Variants in NLRP8 observed in about 807,000 individuals in gnomAD.
The protein encoded by NLRP8 is NLR family pyrin domain containing 8.
A neutral mutation model predicts 88.7 loss-of-function variants in NLRP8; 86 were observed. That is an observed-to-expected ratio of 0.97 (90% CI 0.81 to 1.16). NLRP8 has a LOEUF of 1.16. Ranked by LOEUF, NLRP8 falls within the 50% of genes most tolerant of loss-of-function variation. NLRP8 has a pLI of 0.00. For missense variants in NLRP8, 1,342 were observed against 1,286.5 expected (o/e 1.04, Z -0.66); for synonymous variants, 504 against 494.6 (o/e 1.02, Z -0.25).
rs1280921279 is a variant in NLRP8 at position 55,952,540 on chromosome 19, A to G, written c.370A>G (p.Ile124Val). ...CAGCCTCCTTTTTTCTGTTACAGCC[A>G]TTCTGCCTACCTTGGAACCAGAGGA... is the stretch of plus-strand genomic sequence containing the variant. Residue 124 changes from isoleucine (I) to valine (V), a missense_variant and splice_region_variant, in exon 2 of 10, where the codon ATT becomes GTT. Transcript: ENST00000291971. 6.2e-7 allele frequency: 1 copy of G among 1,613,688 alleles called. No individual in the cohort carries two copies. The highest frequency in any genetic ancestry group is 8.5e-7 in the Non-Finnish European group (1 of 1,179,684).
chr19:55,968,883 G>A (rs1404460008), intron 5 of NLRP8, among the ~76,000 whole-genome samples: 3 of 152,180 alleles, frequency 2.0e-5, no homozygotes, highest in African/African-American at 7.2e-5. Context: ...GGCTGCCATT[G>A]TCTACCATAC....
chr19:55,954,356 G>A, intron 2 of NLRP8, 145 bp from the exon 3 acceptor site: 1 of 799,334 alleles, frequency 1.3e-6, no homozygotes, highest in Non-Finnish European at 2.0e-6. Flanking sequence ...AGTTGACACA[G>A]CAGTATCAGG....
At chr19:55,952,454 T>C in intron 1 of NLRP8, 84 bp from the exon 2 acceptor site, 6 of 1,120,974 alleles carry the variant, frequency 5.4e-6, no homozygotes, top group Non-Finnish European at 6.8e-6. Flanking sequence ...GCTTCTGTCC[T>C]AAAAAGGCCA....
At chr19:55,950,301 C>T (rs984664837) in intron 1 of NLRP8, among the ~76,000 whole-genome samples, 2 of 150,454 alleles carry the variant, frequency 1.3e-5, no homozygotes, top group African/African-American at 5.0e-5. Flanking sequence ...TGCCTGTAAT[C>T]CCAGCTATTC....
Position 55,987,834 on chromosome 19 carries a change from G to T in NLRP8, c.3068G>T (p.Arg1023Leu), listed in dbSNP as rs773147830. The T allele has an allele frequency of 1.2e-6, 2 of 1,613,836 alleles. No homozygotes were observed. The highest frequency in any genetic ancestry group is 2.2e-5 in the East Asian group (1 of 44,860). Residue 1023 changes from arginine (R) to leucine (L), a missense_variant, in exon 10 of 10, where the codon CGA becomes CTA. Coordinates refer to ENST00000291971, the MANE Select transcript of NLRP8 (RefSeq NM_176811.2). ...TCCAGCTGTATTCCTGCCTGGACTC[G>T]AATAACTAGCTTCTCCCCAACTCCT...
intron 9 of NLRP8, among the ~76,000 whole-genome samples, chr19:55,981,909 GTT>G (rs3055418): frequency 0.37 from 54,842 of 148,858 alleles, 10,566 homozygotes; most frequent in Non-Finnish European, 0.43. Flanking sequence ...CTTGTTTTTT[GTT>G]TTTTTTTTTG....
At chr19:55,982,707 T>A (rs189105459) in intron 9 of NLRP8, among the ~76,000 whole-genome samples, 1 of 152,042 alleles carries the variant, frequency 6.6e-6, no homozygotes, top group African/African-American at 2.4e-5. Context: ...CTGTGGGAGG[T>A]TAAGGTGGAG....
chr19:55,952,413 T>G, intron 1 of NLRP8, 125 bp from the exon 2 acceptor site: 1 of 699,998 alleles, frequency 1.4e-6, no homozygotes, highest in Non-Finnish European at 2.6e-6. Context: ...ACGGAGGTGG[T>G]GAGAGGATGA....
At chr19:55,960,561 G>C (rs60106130) in intron 3 of NLRP8, among the ~76,000 whole-genome samples, 1 of 152,106 alleles carries the variant, frequency 6.6e-6, no homozygotes, top group Non-Finnish European at 1.5e-5. Flanking sequence ...CCTGACATCC[G>C]TAGAAATCTT....
At chr19:55,959,666 A>G (rs1447610462) in intron 3 of NLRP8, among the ~76,000 whole-genome samples, 1 of 152,200 alleles carries the variant, frequency 6.6e-6, no homozygotes, top group Non-Finnish European at 1.5e-5. Flanking sequence ...CAATAACCAG[A>G]TGCAGATGAA....
Position 55,962,211 on chromosome 19 carries a change from C to G in NLRP8, c.2187C>G (p.His729Gln). ...AGGCTCTCGCGGCCGCACTGAGGCA[C>G]CCTCAGTGCAAACTGCAAAAGCTAC... is the stretch of plus-strand genomic sequence containing the variant. Residue 729 changes from histidine (H) to glutamine (Q), a missense_variant, in exon 4 of 10, where the codon CAC becomes CAG. Coordinates refer to ENST00000291971, the MANE Select transcript of NLRP8 (RefSeq NM_176811.2). 2.5e-6 allele frequency: 4 copies of G among 1,613,806 alleles called. No homozygotes were observed. Among genetic ancestry groups the G allele is most frequent in the Non-Finnish European group, 3.4e-6 (4 of 1,179,912 alleles).
chr19:55,973,906 C>A, intron 7 of NLRP8, 84 bp downstream of exon 7: 1 of 1,373,904 alleles, frequency 7.3e-7, no homozygotes, highest in Admixed American at 2.1e-5. Context: ...TCATTTATGT[C>A]ACATATTTAT....
chr19:55,954,311 C>G (rs1467264648), intron 2 of NLRP8, among the ~76,000 whole-genome samples, 190 bp from the exon 3 acceptor site: 6 of 152,164 alleles, frequency 3.9e-5, no homozygotes, highest in African/African-American at 1.4e-4. Flanking sequence ...GTTTAAGCCA[C>G]TTCAAGCTGA....
intron 9 of NLRP8, among the ~76,000 whole-genome samples, chr19:55,984,566 A>G (rs1165769281): frequency 6.7e-6 from 1 of 150,144 alleles, no homozygotes; most frequent in African/African-American, 2.5e-5. Flanking sequence ...AGGCAGGAGA[A>G]TCCCTTAAAC....
chr19:55,980,318 A>G (rs1980518969), intron 9 of NLRP8, among the ~76,000 whole-genome samples: 1 of 152,190 alleles, frequency 6.6e-6, no homozygotes, highest in Admixed American at 6.5e-5. Context: ...CATGTTCTCA[A>G]CCAGTGGTGG....
intron 8 of NLRP8, 64 bp from the exon 9 acceptor site, chr19:55,979,330 G>A (rs892094724): frequency 1.6e-5 from 26 of 1,576,602 alleles, no homozygotes; most frequent in African/African-American, 4.1e-5. Context: ...CCGTCACACC[G>A]GCTGAGCTCT....
intron 5 of NLRP8, among the ~76,000 whole-genome samples, 191 bp from the exon 6 acceptor site, chr19:55,970,353 T>G (rs1054501920): frequency 6.6e-6 from 1 of 151,120 alleles, no homozygotes; most frequent in Non-Finnish European, 1.5e-5. Context: ...GCCCCAAGAG[T>G]GTGTTGGTTT....
At position 55,974,520 on chromosome 19, in the gene NLRP8, G is replaced by A. The variant is rs147542774; in HGVS notation, c.2705+698G>A. Among the ~76,000 whole-genome samples, 706 of 152,024 alleles carry A rather than the reference G, an allele frequency of 4.6e-3. 5 individuals carry two copies. Among genetic ancestry groups the A allele is most frequent in the African/African-American group, 0.013 (553 of 41,458 alleles). On this transcript the variant is annotated intron_variant, in intron 7 of 9. Coordinates refer to ENST00000291971, the MANE Select transcript of NLRP8 (RefSeq NM_176811.2). ...TCCCAGCACTTTGGGAGTCCGAGGC[G>A]GGAGGATCACGAGGTCAGGAGATCG...
At chr19:55,976,346 T>A (rs752676923) in intron 8 of NLRP8, 43 bp downstream of exon 8, 2 of 1,479,358 alleles carry the variant, frequency 1.4e-6, no homozygotes. Flanking sequence ...AGGAGAATTG[T>A]ATATAAGCGT....
Sources: gnomAD v4.1 joint callset for allele counts (sites outside exome capture counted in the v4.1 genomes callset) on GRCh38, gnomAD v4.1.1 for gene constraint, MANE v1.5 for transcripts, NCBI Gene and HGNC (gene_info 2026-07-23, HGNC 2026-07-21) for gene names.